The following CSMD1 variants were observed in gnomAD, a reference collection of about 807,000 sequenced individuals.
The protein encoded by CSMD1 is CUB and sushi domain-containing protein 1.
In CSMD1, 213 loss-of-function variants were observed where a neutral mutation model predicts 417.5. The observed-to-expected ratio is 0.51, with a 90% confidence interval of 0.46 to 0.57. The LOEUF is 0.57. Ranked by LOEUF, CSMD1 falls within the 20% of genes least tolerant of loss-of-function variation. The pLI, the probability that CSMD1 is intolerant of heterozygous loss-of-function variation, is 0.00. For missense variants in CSMD1, 6,923 were observed against 4,529.7 expected, an observed-to-expected ratio of 1.53 and a Z score of -15.17; for synonymous variants, 2,862 against 1,736.8, an observed-to-expected ratio of 1.65 and a Z score of -16.11.
intron 3 of CSMD1, among the ~76,000 whole-genome samples, chr8:4,247,434 G>C (rs894391787): frequency 8.5e-5 from 13 of 152,156 alleles, no homozygotes; most frequent in African/African-American, 2.7e-4. Flanking sequence ...GTGTCACTCA[G>C]ACACTGAAGA....
chr8:4,560,606 G>C (rs1053762058), intron 2 of CSMD1, among the ~76,000 whole-genome samples: 11 of 152,200 alleles, frequency 7.2e-5, no homozygotes, highest in African/African-American at 2.7e-4. Context: ...CTCCCTGAAA[G>C]CCTTCTCCCA....
At position 3,354,090 on chromosome 8, in the gene CSMD1, T is replaced by C. The variant is rs540630442; in HGVS notation, c.3304+5062A>G. Among the ~76,000 whole-genome samples the C allele has an allele frequency of 4.0e-4, 61 of 152,348 alleles. 2 individuals carry two copies. Among genetic ancestry groups the C allele is most frequent in the African/African-American group, 1.4e-3 (58 of 41,590 alleles). On this transcript the variant is annotated intron_variant, in intron 21 of 69. Coordinates refer to ENST00000635120, the MANE Select transcript of CSMD1 (RefSeq NM_033225.6). ...TGTATAAATTAATGCATATTCAATA[T>C]TCGGCAAGGTCATTTTATTGGGGAC...
At chr8:3,093,441 T>C (rs959081476) in intron 47 of CSMD1, among the ~76,000 whole-genome samples, 5 of 151,922 alleles carry the variant, frequency 3.3e-5, no homozygotes, top group African/African-American at 4.8e-5. Context: ...TAGAGGCGAG[T>C]GGATCGCCTG....
At chr8:3,680,847 A>C (rs540365939) in intron 7 of CSMD1, among the ~76,000 whole-genome samples, 1 of 152,212 alleles carries the variant, frequency 6.6e-6, no homozygotes, top group African/African-American at 2.4e-5. Flanking sequence ...ACCATGATCA[A>C]GTGGGCTTCA....
At chr8:4,292,963 G>C (rs917296752) in intron 3 of CSMD1, among the ~76,000 whole-genome samples, 2 of 152,220 alleles carry the variant, frequency 1.3e-5, no homozygotes, top group Admixed American at 6.5e-5. Context: ...AAGCACTCCA[G>C]AGGCAAAAGA....
intron 1 of CSMD1, among the ~76,000 whole-genome samples, chr8:4,907,481 A>T (rs944005210): frequency 6.6e-6 from 1 of 152,110 alleles, no homozygotes; most frequent in African/African-American, 2.4e-5. Flanking sequence ...AAATATAAAA[A>T]TCCTAAACTC....
chr8:4,355,413 C>T (rs370922339), intron 3 of CSMD1, among the ~76,000 whole-genome samples: 3 of 151,828 alleles, frequency 2.0e-5, no homozygotes, highest in South Asian at 2.1e-4. Context: ...ACAGAAGTAG[C>T]GAATTCAGGT....
At chr8:4,052,313 A>T (rs996858266) in intron 3 of CSMD1, among the ~76,000 whole-genome samples, 4 of 152,216 alleles carry the variant, frequency 2.6e-5, no homozygotes, top group Non-Finnish European at 5.9e-5. Flanking sequence ...CTGACATTTA[A>T]TGCGTAATTA....
chr8:3,020,867 T>C (rs930587766), intron 51 of CSMD1, among the ~76,000 whole-genome samples: 1 of 152,246 alleles, frequency 6.6e-6, no homozygotes, highest in Non-Finnish European at 1.5e-5. Flanking sequence ...TACAGTGTCA[T>C]ATCGTTTGCA....
At chr8:3,217,780 G>C (rs1037799006) in intron 29 of CSMD1, among the ~76,000 whole-genome samples, 1 of 152,020 alleles carries the variant, frequency 6.6e-6, no homozygotes, top group African/African-American at 2.4e-5. Context: ...TGGGAGCAAA[G>C]AAACCAATTT....
chr8:4,462,401 A>T (rs551251841), intron 2 of CSMD1, among the ~76,000 whole-genome samples: 2 of 152,154 alleles, frequency 1.3e-5, no homozygotes, highest in African/African-American at 4.8e-5. Flanking sequence ...CTTAATATAG[A>T]TAAGATGGCA....
chr8:3,096,636 A>G (rs1815322374), intron 47 of CSMD1, among the ~76,000 whole-genome samples: 1 of 152,164 alleles, frequency 6.6e-6, no homozygotes, highest in Non-Finnish European at 1.5e-5. Context: ...ATGAAAATGG[A>G]CTAATACAGT....
At chr8:4,490,827 C>T (rs565637034) in intron 2 of CSMD1, among the ~76,000 whole-genome samples, 32 of 152,282 alleles carry the variant, frequency 2.1e-4, no homozygotes, top group African/African-American at 6.7e-4. Flanking sequence ...CAAATAAAGT[C>T]GGAAACACAT....
intron 2 of CSMD1, among the ~76,000 whole-genome samples, chr8:4,425,647 G>C (rs889845085): frequency 2.0e-5 from 3 of 151,438 alleles, no homozygotes; most frequent in South Asian, 2.1e-4. Flanking sequence ...TTTTATTCTT[G>C]TCTGCCTCAC....
chr8:4,786,152 A>G (rs1294866111), intron 1 of CSMD1, among the ~76,000 whole-genome samples: 1 of 152,166 alleles, frequency 6.6e-6, no homozygotes, highest in Non-Finnish European at 1.5e-5. Context: ...TTTAACAGCC[A>G]CTTATGAGCC....
chr8:3,716,848 A>G (rs949787540), intron 6 of CSMD1, among the ~76,000 whole-genome samples: 3 of 151,646 alleles, frequency 2.0e-5, no homozygotes, highest in African/African-American at 7.3e-5. Context: ...AAACATTATC[A>G]TCATCGGAAT....
chr8:4,854,000 C>T (rs916759294), intron 1 of CSMD1, among the ~76,000 whole-genome samples: 4 of 152,038 alleles, frequency 2.6e-5, no homozygotes, highest in Non-Finnish European at 5.9e-5. Flanking sequence ...TTACCTAATT[C>T]CTGGAACACA....
At chr8:4,677,934 T>G (rs1805797231) in intron 1 of CSMD1, among the ~76,000 whole-genome samples, 2 of 152,054 alleles carry the variant, frequency 1.3e-5, no homozygotes, top group Admixed American at 1.3e-4. Flanking sequence ...TCCGTAGGTA[T>G]AAAACACTAG....
chr8:4,886,580 T>G (rs1189009220), intron 1 of CSMD1, among the ~76,000 whole-genome samples: 2 of 151,986 alleles, frequency 1.3e-5, no homozygotes, highest in Non-Finnish European at 2.9e-5. Context: ...ACATTAGGTC[T>G]TCTTTAATTG....
Sources: allele counts gnomAD v4.1 joint callset (sites outside exome capture counted in the v4.1 genomes callset), GRCh38; gene constraint gnomAD v4.1.1; transcripts MANE v1.5; gene names NCBI Gene and HGNC (gene_info 2026-07-23, HGNC 2026-07-21).